KCTD16: variants seen among roughly 807,000 people sequenced by gnomAD.
The protein encoded by KCTD16 is BTB/POZ domain-containing protein KCTD16.
A neutral mutation model predicts 33.2 loss-of-function variants in KCTD16; 13 were observed. The ratio of observed to expected loss-of-function variants is 0.39; its 90% CI spans 0.25 to 0.62. The LOEUF (loss-of-function observed/expected upper bound fraction) is 0.62, where lower values mean the gene tolerates loss of function less well. KCTD16 is among the 20% of genes least tolerant of loss of function. KCTD16 has a pLI of 0.50. For missense variants in KCTD16, 441 were observed against 525.1 expected (o/e 0.84, Z 1.57); for synonymous variants, 197 against 195.3 (o/e 1.01, Z -0.07).
chr5:144,382,785 C>G (rs1261948954), intron 3 of KCTD16, among the ~76,000 whole-genome samples: 1 of 152,162 alleles, frequency 6.6e-6, no homozygotes, highest in African/African-American at 2.4e-5. Flanking sequence ...ATCTCTTTTA[C>G]TTCAGCATTT....
chr5:144,364,997 G>A (rs918512139), intron 3 of KCTD16, among the ~76,000 whole-genome samples: 5 of 150,190 alleles, frequency 3.3e-5, no homozygotes, highest in Admixed American at 1.3e-4. Context: ...TGGGGTGCAA[G>A]TTAATACAGA....
At chr5:144,416,292 C>A (rs1253591369) in intron 3 of KCTD16, among the ~76,000 whole-genome samples, 1 of 152,044 alleles carries the variant, frequency 6.6e-6, no homozygotes, top group Non-Finnish European at 1.5e-5. Context: ...ATGTGTGCTG[C>A]CTTCATTATT....
At chr5:144,257,993 T>G (rs1294170017) in intron 3 of KCTD16, among the ~76,000 whole-genome samples, 1 of 152,184 alleles carries the variant, frequency 6.6e-6, no homozygotes, top group Non-Finnish European at 1.5e-5. Flanking sequence ...TTTTAATTCA[T>G]AGAGCTATAG....
At chr5:144,410,187 A>G (rs182073225) in intron 3 of KCTD16, among the ~76,000 whole-genome samples, 8 of 152,318 alleles carry the variant, frequency 5.3e-5, no homozygotes, top group Non-Finnish European at 1.0e-4. Flanking sequence ...GGCTCTGGCA[A>G]AGAAAAGGGG....
chr5:144,391,100 G>T (rs1357364255), intron 3 of KCTD16, among the ~76,000 whole-genome samples: 1 of 151,986 alleles, frequency 6.6e-6, no homozygotes, highest in Non-Finnish European at 1.5e-5. Flanking sequence ...ACTATAATCA[G>T]GTGCTTCCTG....
intron 3 of KCTD16, among the ~76,000 whole-genome samples, chr5:144,210,543 A>C (rs1753352947): frequency 6.6e-6 from 1 of 152,152 alleles, no homozygotes; most frequent in South Asian, 2.1e-4. Context: ...CTGACTGAAT[A>C]ATTACTTTTC....
At chr5:144,253,201 G>A (rs1362416456) in intron 3 of KCTD16, among the ~76,000 whole-genome samples, 1 of 151,884 alleles carries the variant, frequency 6.6e-6, no homozygotes, top group Non-Finnish European at 1.5e-5. Flanking sequence ...CCACTTGCAG[G>A]TAGATACACA....
At chr5:144,389,788 A>G (rs952651458) in intron 3 of KCTD16, among the ~76,000 whole-genome samples, 2 of 152,214 alleles carry the variant, frequency 1.3e-5, no homozygotes, top group Admixed American at 6.5e-5. Context: ...GTGATGCACA[A>G]GCATGCTGAT....
chr5:144,432,749 G>T (rs1753492242), intron 3 of KCTD16, among the ~76,000 whole-genome samples: 1 of 151,980 alleles, frequency 6.6e-6, no homozygotes, highest in African/African-American at 2.4e-5. Context: ...TATTTCTTCT[G>T]TGAATGCCAA....
intron 3 of KCTD16, among the ~76,000 whole-genome samples, chr5:144,416,597 T>G (rs1359431606): frequency 6.6e-6 from 1 of 152,182 alleles, no homozygotes. Flanking sequence ...GATGACAAAA[T>G]TCTTTTACTT....
At chr5:144,400,394 A>C (rs1233411012) in intron 3 of KCTD16, among the ~76,000 whole-genome samples, 1 of 152,150 alleles carries the variant, frequency 6.6e-6, no homozygotes, top group Non-Finnish European at 1.5e-5. Context: ...CAAAACATAA[A>C]ACTTGCATCA....
At chr5:144,357,332 G>A (rs1751592970) in intron 3 of KCTD16, among the ~76,000 whole-genome samples, 1 of 152,166 alleles carries the variant, frequency 6.6e-6, no homozygotes, top group South Asian at 2.1e-4. Context: ...TCAGGTAGGG[G>A]TGAGACCTTT....
intron 3 of KCTD16, among the ~76,000 whole-genome samples, chr5:144,432,659 A>C (rs79370521): frequency 1.3e-5 from 2 of 152,022 alleles, no homozygotes; most frequent in Non-Finnish European, 2.9e-5. Flanking sequence ...GTGTGTGTAT[A>C]TATCAGGGAA....
chr5:144,434,000 C>A lies in KCTD16; in HGVS notation c.833-39660C>A, dbSNP rs184203762. Reference sequence around the variant, plus strand: ...AGAAGTGGTTCTTGCCACACACCAACTTCACCAGCAGACAGAGCCCTCAGC... The same window carrying A: ...AGAAGTGGTTCTTGCCACACACCAAATTCACCAGCAGACAGAGCCCTCAGC... On this transcript the variant is annotated intron_variant, in intron 3 of 3. Transcript: ENST00000512467. Among the ~76,000 whole-genome samples the A allele has an allele frequency of 4.2e-4, 64 of 152,312 alleles. 1 individual carries two copies. Among genetic ancestry groups the A allele is most frequent in the Non-Finnish European group, 1.8e-4 (12 of 68,032 alleles).
At chr5:144,336,564 A>G (rs1335933152) in intron 3 of KCTD16, among the ~76,000 whole-genome samples, 1 of 152,112 alleles carries the variant, frequency 6.6e-6, no homozygotes, top group Non-Finnish European at 1.5e-5. Context: ...CATCAATGCT[A>G]TGCTCTGCTT....
intron 2 of KCTD16, among the ~76,000 whole-genome samples, chr5:144,192,779 C>T (rs552853832): frequency 1.4e-4 from 22 of 152,294 alleles, no homozygotes; most frequent in African/African-American, 5.1e-4. Context: ...GTCTCTGTAA[C>T]CATTTTTTTC....
At chr5:144,380,570 A>C (rs1001239870) in intron 3 of KCTD16, among the ~76,000 whole-genome samples, 2 of 152,184 alleles carry the variant, frequency 1.3e-5, no homozygotes, top group Non-Finnish European at 2.9e-5. Context: ...CAGATGCATC[A>C]CACTACTCAA....
chr5:144,377,978 C>T (rs778028272), intron 3 of KCTD16: 3 of 152,110 alleles, frequency 2.0e-5, no homozygotes, highest in Admixed American at 6.6e-5. Context: ...TTGTGTGTGT[C>T]CTTGTCCTTT....
At chr5:144,375,771 A>G (rs924966549) in intron 3 of KCTD16, among the ~76,000 whole-genome samples, 1 of 152,022 alleles carries the variant, frequency 6.6e-6, no homozygotes, top group African/African-American at 2.4e-5. Flanking sequence ...ATATTCTAGG[A>G]CCGTCACATC....
Sources: gnomAD v4.1 joint callset for allele counts (sites outside exome capture counted in the v4.1 genomes callset) on GRCh38, gnomAD v4.1.1 for gene constraint, MANE v1.5 for transcripts, NCBI Gene and HGNC (gene_info 2026-07-23, HGNC 2026-07-21) for gene names.